The following INTS14 variants were observed in gnomAD, a reference collection of about 807,000 sequenced individuals.
INTS14 encodes UPF0464 protein C15orf44.
INTS14 carries 27 observed loss-of-function variants against 56.9 expected under a neutral mutation model. The ratio of observed to expected loss-of-function variants is 0.47; its 90% CI spans 0.35 to 0.65. INTS14 has a LOEUF of 0.65. INTS14 is among the 30% of genes least tolerant of loss of function. The pLI, the probability that INTS14 is intolerant of heterozygous loss-of-function variation, is 0.00. For synonymous variants in INTS14, 207 were observed against 236.2 expected, an observed-to-expected ratio of 0.88 and a Z score of 1.13; for missense variants, 517 against 632.2, an observed-to-expected ratio of 0.82 and a Z score of 1.95.
In INTS14 at chr15:65,599,814, G is replaced by A; in HGVS notation, c.446C>T (p.Pro149Leu). The part of the protein sequence containing the change: ...SNRFPLPFPF[P>L]SKLYIMCMAN... ...CATGCACATGATATATAACTTAGAT[G>A]GGAAAGGAAAAGGTAGTGGAAACCT... Residue 149 changes from proline to leucine, a missense_variant, in exon 4 of 12, where the codon CCA (proline) becomes CTA (leucine). Pro to Leu is a moderately conservative substitution (Grantham distance 98). Coordinates refer to ENST00000313182, the MANE Select transcript of INTS14 (RefSeq NM_001394796.1). The A allele has an allele frequency of 1.2e-6, 2 of 1,614,176 alleles. No individual in the cohort carries two copies. Among genetic ancestry groups the A allele is most frequent in the Non-Finnish European group, 1.7e-6 (2 of 1,180,030 alleles).
intron 1 of INTS14, 29 bp from the exon 2 acceptor site, chr15:65,607,471 T>C (rs1182893083): frequency 4.5e-6 from 7 of 1,543,898 alleles, no homozygotes; most frequent in Non-Finnish European, 6.1e-6. Flanking sequence ...TTCTTACATG[T>C]CATGGAGAGA....
At chr15:65,610,842 A>G in intron 1 of INTS14, 1 of 1,532,680 alleles carries the variant, frequency 6.5e-7, no homozygotes, top group South Asian at 1.2e-5. Context: ...TCTCTCTTGG[A>G]AAGAGGGGGC....
At chr15:65,594,116 C>T (rs2141282394) in intron 7 of INTS14, among the ~76,000 whole-genome samples, 1 of 152,246 alleles carries the variant, frequency 6.6e-6, no homozygotes, top group East Asian at 1.9e-4. Context: ...ACAGAGATGT[C>T]AAGTGCATTC....
intron 3 of INTS14, among the ~76,000 whole-genome samples, chr15:65,604,436 G>C (rs1393111388): frequency 6.6e-6 from 1 of 152,082 alleles, no homozygotes; most frequent in Non-Finnish European, 1.5e-5. Context: ...AGATGGTTAA[G>C]TTTGCTGAAT....
Position 65,598,430 on chromosome 15 carries a change from A to C in INTS14, c.639T>G (p.His213Gln), listed in dbSNP as rs1296442560. Reference sequence around the variant, plus strand: ...TTAGGTGGCCACACTTGAGAACAGCATGGAAAGGCGTATATGCCAAATCTA... The same window carrying C: ...TTAGGTGGCCACACTTGAGAACAGCCTGGAAAGGCGTATATGCCAAATCTA... ...KLIDLAYTPFHAVLKCGHLTA... is the reference protein window; with the variant it reads ...KLIDLAYTPFQAVLKCGHLTA... Residue 213 changes from histidine to glutamine, a missense_variant, in exon 6 of 12, where the codon CAT becomes CAG. By Grantham distance (24) the His-to-Gln change is conservative. Transcript: ENST00000313182. The C allele has an allele frequency of 6.2e-7, 1 of 1,614,108 alleles. No individual in the cohort carries two copies. The highest frequency in any genetic ancestry group is 8.5e-7 in the Non-Finnish European group (1 of 1,179,938).
intron 10 of INTS14, among the ~76,000 whole-genome samples, chr15:65,583,489 T>C (rs1370855939): frequency 1.3e-5 from 2 of 152,098 alleles, no homozygotes; most frequent in Admixed American, 6.5e-5. Flanking sequence ...GGTAAGTCCA[T>C]AGAGACAGAA....
chr15:65,600,311 T>TAAAACAAAAC (rs559547171), intron 3 of INTS14, among the ~76,000 whole-genome samples: 42 of 148,276 alleles, frequency 2.8e-4, no homozygotes, highest in Middle Eastern at 3.5e-3. Flanking sequence ...TCTGTCTTTT[T>TAAAACAAAAC]AAAACAAAAC....
At chr15:65,599,100 G>C (rs1347079653) in intron 4 of INTS14, 110 bp from the exon 5 acceptor site, 1 of 676,236 alleles carries the variant, frequency 1.5e-6, no homozygotes, top group Non-Finnish European at 2.5e-6. Context: ...AATAACAGAT[G>C]ATTTTTTTAA....
At chr15:65,580,253 TGAG>T (rs1415794361) in intron 11 of INTS14, among the ~76,000 whole-genome samples, 2 of 152,116 alleles carry the variant, frequency 1.3e-5, no homozygotes, top group Non-Finnish European at 2.9e-5. Flanking sequence ...ATTTATAAAA[TGAG>T]GAGAATAACC....
intron 6 of INTS14, among the ~76,000 whole-genome samples, chr15:65,597,699 C>T (rs1456928689): frequency 6.6e-6 from 1 of 152,192 alleles, no homozygotes; most frequent in Non-Finnish European, 1.5e-5. Context: ...GGTCACATAT[C>T]AAGAGTCATA....
intron 3 of INTS14, among the ~76,000 whole-genome samples, chr15:65,604,672 G>C (rs1596266681): frequency 1.3e-5 from 2 of 148,432 alleles, no homozygotes; most frequent in East Asian, 2.0e-4. Flanking sequence ...TGAAGCTACA[G>C]TGAGCCATAA....
intron 4 of INTS14, 131 bp downstream of exon 4, chr15:65,599,643 C>T (rs555920995): frequency 4.0e-6 from 4 of 1,009,670 alleles, no homozygotes; most frequent in Admixed American, 3.0e-5. Flanking sequence ...AAATAAAATA[C>T]CAGCCTCAGC....
At chr15:65,611,041 C>T in intron 1 of INTS14, 57 bp downstream of exon 1, 6 of 1,535,404 alleles carry the variant, frequency 3.9e-6, no homozygotes, top group Non-Finnish European at 5.2e-6. Flanking sequence ...AACCCCTTCA[C>T]CTGTAACCCC....
At chr15:65,582,530 T>C (rs1432009296) in intron 10 of INTS14, among the ~76,000 whole-genome samples, 1 of 152,158 alleles carries the variant, frequency 6.6e-6, no homozygotes, top group Non-Finnish European at 1.5e-5. Context: ...GAGGATTGCT[T>C]GAGGCCAGAA....
In INTS14 at chr15:65,598,973, G is replaced by A. The variant is rs2073324490; in HGVS notation, c.504C>T (p.Ser168=). The change falls in exon 5 of 12, where the codon TCC becomes TCT. Residue 168 remains serine (S), a synonymous_variant. Transcript: ENST00000313182. The part of the protein sequence containing the change: ...ANLEELQSTD[S]LECLERLIDL... ...CTATGAGACGTTCAAGGCATTCCAA[G>A]GAATCGGTGCTCTGGAGCTATAAAG... is the stretch of plus-strand genomic sequence containing the variant. The A allele has an allele frequency of 6.2e-7, 1 of 1,613,620 alleles. No individual in the cohort carries two copies. Among genetic ancestry groups the A allele is most frequent in the Non-Finnish European group, 8.5e-7 (1 of 1,179,780 alleles).
intron 10 of INTS14, among the ~76,000 whole-genome samples, chr15:65,584,374 A>C (rs1353236576): frequency 1.3e-5 from 2 of 152,238 alleles, no homozygotes; most frequent in Non-Finnish European, 2.9e-5. Flanking sequence ...CCATATAAAA[A>C]ATTTCACACT....
At position 65,610,726 on chromosome 15, in the gene INTS14, C is replaced by T. The variant is rs1596280572; in HGVS notation, c.-63+372G>A. On this transcript the variant is annotated intron_variant, in intron 1 of 11. Coordinates refer to ENST00000313182, the MANE Select transcript of INTS14 (RefSeq NM_001394796.1). The stretch of plus-strand genomic sequence containing the variant: ...CCCGTCAGCCTCCGGGAGTCCCTCC[C>T]CAGTTCTCAGATATAATTTCATCTC... 7.8e-6 allele frequency: 12 copies of T among 1,535,704 alleles called. No individual in the cohort carries two copies. The East Asian group carries it at 2.7e-4, about 34-fold the overall frequency.
intron 6 of INTS14, among the ~76,000 whole-genome samples, 190 bp from the exon 7 acceptor site, chr15:65,596,015 G>C (rs1270006690): frequency 6.6e-6 from 1 of 152,132 alleles, no homozygotes; most frequent in African/African-American, 2.4e-5. Context: ...AATGATAACT[G>C]TCATTGATTT....
intron 3 of INTS14, among the ~76,000 whole-genome samples, chr15:65,600,214 G>C (rs1427564540): frequency 6.6e-6 from 1 of 152,178 alleles, no homozygotes; most frequent in Admixed American, 6.5e-5. Context: ...GGGAGGCTGA[G>C]GTGGGAGGAT....
Sources: allele counts gnomAD v4.1 joint callset (sites outside exome capture counted in the v4.1 genomes callset), GRCh38; gene constraint gnomAD v4.1.1; transcripts MANE v1.5; gene names NCBI Gene and HGNC (gene_info 2026-07-23, HGNC 2026-07-21).